Variants in APLP2 observed in about 807,000 individuals in gnomAD.
The protein encoded by APLP2 is CDEI box-binding protein.
Under a neutral mutation model 89.9 loss-of-function variants are expected in APLP2, and 53 were observed. The observed-to-expected ratio is 0.59, with a 90% confidence interval of 0.47 to 0.74. The LOEUF (loss-of-function observed/expected upper bound fraction) is 0.74. Ranked by LOEUF, APLP2 falls within the 30% of genes least tolerant of loss-of-function variation. APLP2 has a pLI of 0.00. For missense variants in APLP2, 973 were observed against 975.9 expected (o/e 1.00, Z 0.04); for synonymous variants, 372 against 348.6 (o/e 1.07, Z -0.75).
chr11:130,133,643 C>G lies in APLP2; in HGVS notation c.1599C>G (p.Leu533=). ...AQMKSQVMTH[L]HVIEERRNQS... ...TCTGCTTCCAGGTGATGACACATCT[C>G]CACGTGATTGAAGAAAGGAGGAACC... The change falls in exon 12 of 17, where the codon CTC becomes CTG. Residue 533 remains leucine, a synonymous_variant. Coordinates refer to ENST00000338167, the MANE Select transcript of APLP2 (RefSeq NM_001142276.2). 2 of 1,613,948 alleles carry G rather than the reference C, an allele frequency of 1.2e-6. No homozygotes were observed. The highest frequency in any genetic ancestry group is 1.7e-6 in the Non-Finnish European group (2 of 1,179,832).
chr11:130,092,704 G>GGGAGAGA (rs1945567157), intron 1 of APLP2, among the ~76,000 whole-genome samples: 3 of 116,726 alleles, frequency 2.6e-5, no homozygotes, highest in African/African-American at 1.2e-4. Flanking sequence ...GACCGTGGGG[G>GGGAGAGA]GAGGGAGGGG....
At position 130,130,097 on chromosome 11, in the gene APLP2, A is replaced by C; in HGVS notation, c.1515A>C (p.Leu505Phe). The C allele has an allele frequency of 6.2e-7, 1 of 1,614,270 alleles. No individual in the cohort carries two copies. The highest frequency in any genetic ancestry group is 1.7e-5 in the Admixed American group (1 of 60,034). ...TCCGTGCTGAGAACAAAGATCGCTT[A>C]CATACCATCCGTCATTACCAGCATG... is the stretch of plus-strand genomic sequence containing the variant. ...RYVRAENKDR[L>F]HTIRHYQHVL... The change falls in exon 11 of 17, where the codon TTA (leucine) becomes TTC (phenylalanine). Residue 505 changes from leucine to phenylalanine, a missense_variant. Transcript: ENST00000338167.
At chr11:130,080,701 T>C (rs1305745855) in intron 1 of APLP2, among the ~76,000 whole-genome samples, 1 of 149,676 alleles carries the variant, frequency 6.7e-6, no homozygotes, top group Non-Finnish European at 1.5e-5. Context: ...ATCTTTCTTT[T>C]TTTTTTTTTT....
intron 1 of APLP2, among the ~76,000 whole-genome samples, chr11:130,098,517 T>TA (rs1555134788): frequency 2.0e-5 from 3 of 152,240 alleles, no homozygotes; most frequent in Non-Finnish European, 4.4e-5. Context: ...TGACATTGGT[T>TA]ATTCATGTTT....
chr11:130,109,784 T>C, intron 2 of APLP2, 182 bp downstream of exon 2: 1 of 569,106 alleles, frequency 1.8e-6, no homozygotes. Context: ...AGGCTTTGCC[T>C]GCGTGTTCTG....
At chr11:130,142,403 G>A (rs112736209) in intron 16 of APLP2, among the ~76,000 whole-genome samples, 13 of 152,088 alleles carry the variant, frequency 8.5e-5, no homozygotes, top group African/African-American at 9.6e-5. Context: ...ATGGGGGAAA[G>A]GAGCAACAGG....
intron 10 of APLP2, 108 bp from the exon 11 acceptor site, chr11:130,129,930 T>C: frequency 7.9e-7 from 1 of 1,272,234 alleles, no homozygotes; most frequent in South Asian, 1.4e-5. Flanking sequence ...TTCATTCTTG[T>C]GCCTAGCTGA....
At position 130,123,576 on chromosome 11, in the gene APLP2, C is replaced by G; in HGVS notation, c.923-36C>G. On this transcript the variant is annotated intron_variant, in intron 6 of 16. Coordinates refer to ENST00000338167, the MANE Select transcript of APLP2 (RefSeq NM_001142276.2). This position sits in a 1 kb window ranked among gnomAD's most constrained non-coding sequence, Gnocchi z 4.0. Reference sequence around the variant, plus strand: ...ATTTTGAAGCATTTGACGTCACTGCCTCTGTCCTGCTGACACTCTGACCAT... The same window carrying G: ...ATTTTGAAGCATTTGACGTCACTGCGTCTGTCCTGCTGACACTCTGACCAT... 6.3e-7 allele frequency: 1 copy of G among 1,595,614 alleles called. No individual in the cohort carries two copies. Among genetic ancestry groups the G allele is most frequent in the Non-Finnish European group, 8.5e-7 (1 of 1,170,630 alleles).
At chr11:130,084,522 A>T (rs1362790166) in intron 1 of APLP2, among the ~76,000 whole-genome samples, 1 of 152,154 alleles carries the variant, frequency 6.6e-6, no homozygotes. Flanking sequence ...CTATTTTGTT[A>T]TTAGGGTAAT....
chr11:130,081,550 A>G (rs1943153113), intron 1 of APLP2, among the ~76,000 whole-genome samples: 1 of 152,190 alleles, frequency 6.6e-6, no homozygotes, highest in African/African-American at 2.4e-5. Flanking sequence ...GAACTTATAT[A>G]AATGCTCAGT....
intron 1 of APLP2, among the ~76,000 whole-genome samples, chr11:130,089,305 A>G (rs1033333627): frequency 6.6e-6 from 1 of 152,052 alleles, no homozygotes; most frequent in African/African-American, 2.4e-5. Context: ...CTACCTTCCA[A>G]AGTATGCATA....
At chr11:130,091,734 T>A (rs2135547183) in intron 1 of APLP2, among the ~76,000 whole-genome samples, 2 of 134,298 alleles carry the variant, frequency 1.5e-5, no homozygotes, top group Non-Finnish European at 3.1e-5. Context: ...CCCCCCCACC[T>A]CCCTCCCGGA....
At position 130,115,543 on chromosome 11, in the gene APLP2, G is replaced by C. The variant is rs368536379; in HGVS notation, c.403+4882G>C. 8.5e-5 allele frequency among the ~76,000 whole-genome samples: 13 copies of C among 152,330 alleles called. No homozygotes were observed. In the East Asian group the frequency reaches 9.6e-4, roughly 11 times the overall value. On this transcript the variant is annotated intron_variant, in intron 3 of 16. Coordinates refer to ENST00000338167, the MANE Select transcript of APLP2 (RefSeq NM_001142276.2). ...CCTAACTGCAGCTTAAATGAATATT[G>C]TATAGGTTAGGTTTTGCTATATTGC...
At chr11:130,081,576 GA>G (rs892120318) in intron 1 of APLP2, among the ~76,000 whole-genome samples, 2 of 152,070 alleles carry the variant, frequency 1.3e-5, no homozygotes, top group African/African-American at 4.8e-5. Context: ...CAATTATGTG[GA>G]AAAAAATTAA....
intron 1 of APLP2, among the ~76,000 whole-genome samples, chr11:130,084,173 G>A (rs1382012044): frequency 5.9e-5 from 9 of 152,176 alleles, no homozygotes; most frequent in African/African-American, 7.2e-5. Context: ...GTGAACCTGG[G>A]AGGTGGAGCT....
intron 1 of APLP2, among the ~76,000 whole-genome samples, chr11:130,080,696 T>G (rs923707313): frequency 1.6e-4 from 24 of 147,246 alleles, no homozygotes; most frequent in Admixed American, 5.4e-4. Context: ...GATTTATCTT[T>G]CTTTTTTTTT....
intron 12 of APLP2, among the ~76,000 whole-genome samples, chr11:130,134,974 G>T: frequency 6.6e-6 from 1 of 152,110 alleles, no homozygotes; most frequent in East Asian, 1.9e-4. Context: ...TTTAGGTGAG[G>T]CAGAGGTCAG....
At position 130,130,046 on chromosome 11, in the gene APLP2, C is replaced by T; in HGVS notation, c.1464C>T (p.Arg488=). The change falls in exon 11 of 17, where the codon CGC becomes CGT. Residue 488 remains arginine (R), a synonymous_variant. Transcript: ENST00000338167. ...ALQSDPPRPH[R]ILQALRRYVR... ...ACTGTTCTCTCTTGCAGCCTCATCG[C>T]ATTCTCCAGGCCTTACGGCGTTATG... The T allele has an allele frequency of 6.2e-7, 1 of 1,614,144 alleles. No homozygotes were observed. The highest frequency in any genetic ancestry group is 8.5e-7 in the Non-Finnish European group (1 of 1,179,978).
intron 3 of APLP2, among the ~76,000 whole-genome samples, chr11:130,114,753 G>T (rs1485717385): frequency 6.6e-6 from 1 of 151,978 alleles, no homozygotes; most frequent in African/African-American, 2.4e-5. Flanking sequence ...TTTTGTTTTT[G>T]GTTATTTTTG....
Sources: allele counts gnomAD v4.1 joint callset (sites outside exome capture counted in the v4.1 genomes callset), GRCh38; gene constraint gnomAD v4.1.1; non-coding constraint Gnocchi (gnomAD v3.1); transcripts MANE v1.5; gene names NCBI Gene and HGNC (gene_info 2026-07-23, HGNC 2026-07-21).